MED17: variants seen among roughly 807,000 people sequenced by gnomAD.
MED17 encodes mediator of RNA polymerase II transcription subunit 17.
In MED17, 49 loss-of-function variants were observed where a neutral mutation model predicts 80.8. That is an observed-to-expected ratio of 0.61 (90% CI 0.48 to 0.77). MED17 has a LOEUF of 0.77. MED17 is among the 30% of genes least tolerant of loss of function. The pLI is 0.00. For synonymous variants in MED17, 281 were observed against 280.4 expected, an observed-to-expected ratio of 1.00 and a Z score of -0.02; for missense variants, 718 against 787.0, an observed-to-expected ratio of 0.91 and a Z score of 1.05.
rs1232062705 is a variant in MED17, at chr11:93,807,866, A to C, written c.1584+231A>C. ...CACATAGTTTATGTTAAGATGAAGGACCAGTTCTGAGACTAGCAAGTTTTT... is the reference window on the plus strand; with the variant it reads ...CACATAGTTTATGTTAAGATGAAGGCCCAGTTCTGAGACTAGCAAGTTTTT... On this transcript the variant is annotated intron_variant, in intron 10 of 11. Transcript: ENST00000251871. 3 of 540,246 alleles carry C rather than the reference A, an allele frequency of 5.6e-6. No homozygotes were observed. The African/African-American group carries it at 5.7e-5, about 10-fold the overall frequency. 33.5% of individuals were successfully genotyped at this position (540,246 alleles called of 1,614,324 possible). A position where few individuals can be genotyped will look rare whatever the true frequency, so the allele number is the denominator to read the frequency against.
At chr11:93,801,680 G>T in intron 8 of MED17, 155 bp from the exon 9 acceptor site, 1 of 681,208 alleles carries the variant, frequency 1.5e-6, no homozygotes. Flanking sequence ...AGGGTTCTTA[G>T]AGCTACCTCT....
At chr11:93,784,849 C>T (rs755935350) in intron 1 of MED17, 86 bp downstream of exon 1, 17 of 1,502,010 alleles carry the variant, frequency 1.1e-5, no homozygotes, top group African/African-American at 1.1e-4. Flanking sequence ...TGGGGGTGAT[C>T]TTGTGCGTGC....
In MED17 at chr11:93,813,478, G is replaced by T. The variant is rs1944105314; in HGVS notation, c.*1414G>T. 1 of 152,078 alleles carries T rather than the reference G, an allele frequency of 6.6e-6. No homozygotes were observed. Among genetic ancestry groups the T allele is most frequent in the African/African-American group, 2.4e-5 (1 of 41,406 alleles). The allele number at this position is 152,078 out of a possible 1,614,324, so 9.4% of individuals were successfully genotyped here. On this transcript the variant is annotated 3_prime_UTR_variant, in exon 12 of 12. Coordinates refer to ENST00000251871, the MANE Select transcript of MED17 (RefSeq NM_004268.5). ...TATTGTTGCCTGCAAAATTTGCCTTGGTCAATAGGCTAATCTGCACAATTC... is the reference window on the plus strand; with the variant it reads ...TATTGTTGCCTGCAAAATTTGCCTTTGTCAATAGGCTAATCTGCACAATTC...
intron 9 of MED17, among the ~76,000 whole-genome samples, chr11:93,805,519 T>G (rs1045508451): frequency 1.3e-5 from 2 of 152,118 alleles, no homozygotes; most frequent in South Asian, 4.1e-4. Flanking sequence ...AGACAGAGGT[T>G]ACAGTGAGCT....
At chr11:93,810,990 C>G (rs755453113) in intron 11 of MED17, 3 of 152,270 alleles carry the variant, frequency 2.0e-5, no homozygotes, top group African/African-American at 4.8e-5. Flanking sequence ...GCCTGTTGCT[C>G]CTAGGCTACA....
chr11:93,784,732 C>T lies in MED17; in HGVS notation c.219C>T (p.Ala73=), dbSNP rs570880864. 4.0e-5 allele frequency: 62 copies of T among 1,543,226 alleles called. 1 individual carries two copies. The East Asian group carries it at 1.4e-3, about 35-fold the overall frequency. ...TEGDAQEWPG[A]GSSADQDDEE... ...GCGACGCGCAGGAGTGGCCGGGCGC[C>T]GGGTCCAGCGCAGACCAGGACGACG... Residue 73 remains alanine, a synonymous_variant, in exon 1 of 12, where the codon GCC becomes GCT. Transcript: ENST00000251871.
intron 10 of MED17, chr11:93,809,257 G>A (rs1944061289): frequency 3.5e-6 from 1 of 282,970 alleles, no homozygotes; most frequent in East Asian, 8.9e-5. Flanking sequence ...GGTGCCAGGG[G>A]AATAAATACC....
chr11:93,804,758 A>G (rs1944006372), intron 9 of MED17, among the ~76,000 whole-genome samples: 1 of 152,214 alleles, frequency 6.6e-6, no homozygotes, highest in Non-Finnish European at 1.5e-5. Flanking sequence ...TTGTATAACC[A>G]TCATCGTCTA....
chr11:93,798,187 T>C (rs967847679), intron 8 of MED17, among the ~76,000 whole-genome samples: 2 of 152,216 alleles, frequency 1.3e-5, no homozygotes, highest in Admixed American at 6.5e-5. Context: ...AAAGAAGTTA[T>C]GCACCTTGCT....
intron 1 of MED17, 36 bp from the exon 2 acceptor site, chr11:93,787,965 C>G: frequency 1.3e-6 from 2 of 1,582,310 alleles, no homozygotes; most frequent in Non-Finnish European, 1.7e-6. Context: ...GTAACGAATA[C>G]TTCTGTATTT....
rs1416373378 is a variant in MED17, at chr11:93,811,768, CA to C, written c.1745-84del. On this transcript the variant is annotated intron_variant, in intron 11 of 11. Coordinates refer to ENST00000251871, the MANE Select transcript of MED17 (RefSeq NM_004268.5). The stretch of plus-strand genomic sequence containing the variant: ...TTGGTAGACAAAGTTTTTGTATTCA[CA>C]GTAGAATGGAGTTGTGGGATTTATC... 4.1e-5 allele frequency: 51 copies of C among 1,244,238 alleles called. No individual in the cohort carries two copies. The African/African-American group carries it at 7.4e-4, about 18-fold the overall frequency. The allele number at this position is 1,244,238 out of a possible 1,614,324, so 77.1% of individuals were successfully genotyped here.
intron 1 of MED17, among the ~76,000 whole-genome samples, chr11:93,786,616 C>G (rs556643735): frequency 1.3e-5 from 2 of 151,924 alleles, no homozygotes; most frequent in African/African-American, 4.8e-5. Flanking sequence ...TGTAGGCGTG[C>G]GGCACCATGC....
At position 93,784,705 on chromosome 11, in the gene MED17, G is replaced by C; in HGVS notation, c.192G>C (p.Glu64Asp). The C allele has an allele frequency of 3.9e-6, 6 of 1,551,726 alleles. No individual in the cohort carries two copies. Among genetic ancestry groups the C allele is most frequent in the Non-Finnish European group, 5.2e-6 (6 of 1,149,600 alleles). Reference sequence around the variant, plus strand: ...AGGAGGAGGAGGCGGCGGGGACCGAGGGCGACGCGCAGGAGTGGCCGGGCG... The same window carrying C: ...AGGAGGAGGAGGCGGCGGGGACCGACGGCGACGCGCAGGAGTGGCCGGGCG... Reference protein sequence around the residue: ...GSEEEEAAGTEGDAQEWPGAG... With the variant: ...GSEEEEAAGTDGDAQEWPGAG... Residue 64 changes from glutamate to aspartate, a missense_variant, in exon 1 of 12, where the codon GAG becomes GAC. Glu to Asp is a conservative substitution (Grantham distance 45). Transcript: ENST00000251871.
intron 9 of MED17, among the ~76,000 whole-genome samples, chr11:93,804,819 C>T (rs984529975): frequency 2.0e-5 from 3 of 152,158 alleles, no homozygotes; most frequent in Non-Finnish European, 4.4e-5. Flanking sequence ...TATTAGCAGT[C>T]ATTTGTAATT....
chr11:93,784,906 C>T (rs927001458), intron 1 of MED17, 143 bp downstream of exon 1: 11 of 1,229,968 alleles, frequency 8.9e-6, no homozygotes, highest in Non-Finnish European at 1.1e-5. Context: ...GATACTTGGT[C>T]GTCATCTTTT....
Position 93,807,529 on chromosome 11 carries a change from T to C in MED17, c.1478T>C (p.Leu493Pro). 1 of 1,601,196 alleles carries C rather than the reference T, an allele frequency of 6.2e-7. No homozygotes were observed. The highest frequency in any genetic ancestry group is 8.6e-7 in the Non-Finnish European group (1 of 1,168,342). The change falls in exon 10 of 12, where the codon CTG (leucine) becomes CCG (proline). Residue 493 changes from leucine to proline, a missense_variant. Physicochemically the swap from Leu to Pro is moderately conservative, Grantham distance 98. Coordinates refer to ENST00000251871, the MANE Select transcript of MED17 (RefSeq NM_004268.5). ...GYEQICKSIQ[L>P]QLNIGVEQIR... is the part of the protein sequence containing the mutation. ...GTGTGTCTATAAAGGTCCATTCAAC[T>C]GCAATTGAATATTGGAGTTGAGCAG...
intron 10 of MED17, chr11:93,808,522 A>G (rs1313865845): frequency 6.6e-6 from 1 of 151,124 alleles, no homozygotes; most frequent in Non-Finnish European, 1.5e-5. Context: ...GACCCAGTGA[A>G]ATACTGAATT....
At chr11:93,799,276 A>G (rs1943937110) in intron 8 of MED17, among the ~76,000 whole-genome samples, 1 of 151,692 alleles carries the variant, frequency 6.6e-6, no homozygotes, top group Non-Finnish European at 1.5e-5. Context: ...CTCGGGTTCA[A>G]GCGATCATCC....
intron 6 of MED17, chr11:93,795,689 A>G (rs1369323583): frequency 1.3e-5 from 2 of 153,574 alleles, no homozygotes; most frequent in African/African-American, 4.8e-5. Context: ...CTTGTTTTTT[A>G]CATAAATTCT....
Sources: gnomAD v4.1 joint callset for allele counts (sites outside exome capture counted in the v4.1 genomes callset) on GRCh38, gnomAD v4.1.1 for gene constraint, MANE v1.5 for transcripts, NCBI Gene and HGNC (gene_info 2026-07-23, HGNC 2026-07-21) for gene names.